FYN: variants seen among roughly 807,000 people sequenced by gnomAD.
FYN encodes the protein FYN proto-oncogene, Src family tyrosine kinase.
Under a neutral mutation model 70.2 loss-of-function variants are expected in FYN, and 10 were observed. That is an observed-to-expected ratio of 0.14 (90% CI 0.09 to 0.24). FYN has a LOEUF of 0.24. FYN is among the 10% of genes least tolerant of loss of function. The pLI is 1.00. For missense variants in FYN, 319 were observed against 673.1 expected (o/e 0.47, Z 5.82); for synonymous variants, 236 against 248.6 (o/e 0.95, Z 0.48).
intron 12 of FYN, among the ~76,000 whole-genome samples, chr6:111,686,238 C>T (rs1583305333): frequency 6.6e-6 from 1 of 152,090 alleles, no homozygotes; most frequent in African/African-American, 2.4e-5. Flanking sequence ...CTCCCAGAAA[C>T]GAGGTGGAAG....
At chr6:111,693,746 G>T (rs1799453295) in intron 12 of FYN, among the ~76,000 whole-genome samples, 1 of 152,106 alleles carries the variant, frequency 6.6e-6, no homozygotes, top group Non-Finnish European at 1.5e-5. Flanking sequence ...GACCCATAAG[G>T]ATTCATCGCT....
intron 2 of FYN, among the ~76,000 whole-genome samples, chr6:111,803,931 G>A (rs902018033): frequency 6.6e-6 from 1 of 152,128 alleles, no homozygotes; most frequent in Non-Finnish European, 1.5e-5. Flanking sequence ...GTTAGGAATG[G>A]AGCAAACCAC....
chr6:111,805,396 G>A (rs960870874), intron 2 of FYN, among the ~76,000 whole-genome samples: 5 of 152,114 alleles, frequency 3.3e-5, no homozygotes, highest in East Asian at 1.9e-4. Flanking sequence ...ATTATACATC[G>A]TTTATCTGAG....
chr6:111,849,088 G>A (rs12661662), intron 1 of FYN, among the ~76,000 whole-genome samples: 7,263 of 152,254 alleles, frequency 0.048, 292 homozygotes, highest in East Asian at 0.14. Context: ...GCATTCAATT[G>A]TGGGCTTTGG....
At chr6:111,689,598 C>CAG (rs1799212850) in intron 12 of FYN, among the ~76,000 whole-genome samples, 1 of 152,164 alleles carries the variant, frequency 6.6e-6, no homozygotes, top group Non-Finnish European at 1.5e-5. Context: ...GAATACTACT[C>CAG]AGCCATGAAA....
intron 2 of FYN, among the ~76,000 whole-genome samples, chr6:111,819,524 A>G (rs1772591211): frequency 6.6e-6 from 1 of 152,174 alleles, no homozygotes. Flanking sequence ...ACCTGTCTTT[A>G]AAACATAGTA....
chr6:111,700,572 G>C (rs756044721), intron 8 of FYN, among the ~76,000 whole-genome samples: 3 of 152,226 alleles, frequency 2.0e-5, no homozygotes, highest in Non-Finnish European at 4.4e-5. Flanking sequence ...GTACGATACA[G>C]TCTATACATA....
intron 12 of FYN, among the ~76,000 whole-genome samples, chr6:111,681,427 C>T (rs1429614975): frequency 2.0e-5 from 3 of 152,180 alleles, no homozygotes; most frequent in African/African-American, 7.2e-5. Context: ...TCCCAAAGTG[C>T]TGGGACTACA....
intron 2 of FYN, among the ~76,000 whole-genome samples, chr6:111,806,813 G>C (rs1772164762): frequency 6.6e-6 from 1 of 152,132 alleles, no homozygotes; most frequent in Non-Finnish European, 1.5e-5. Flanking sequence ...CCGAGACTAG[G>C]GTGGGAAATG....
intron 1 of FYN, among the ~76,000 whole-genome samples, chr6:111,854,261 A>C (rs914182462): frequency 6.6e-6 from 1 of 152,250 alleles, no homozygotes; most frequent in Non-Finnish European, 1.5e-5. Flanking sequence ...CTGAAAGATG[A>C]CCAATGACAA....
intron 2 of FYN, among the ~76,000 whole-genome samples, chr6:111,799,364 GT>G (rs1562525851): frequency 6.6e-6 from 1 of 152,128 alleles, no homozygotes; most frequent in Non-Finnish European, 1.5e-5. Context: ...AGAAGATGAG[GT>G]GGAAATAGAG....
intron 2 of FYN, among the ~76,000 whole-genome samples, chr6:111,803,525 TTC>T (rs778832640): frequency 5.9e-5 from 9 of 152,208 alleles, no homozygotes; most frequent in Admixed American, 1.3e-4. Flanking sequence ...TAGTTTCACA[TTC>T]TGTTTCATAT....
chr6:111,713,112 C>T (rs528447329), intron 5 of FYN, among the ~76,000 whole-genome samples: 3 of 152,240 alleles, frequency 2.0e-5, no homozygotes, highest in South Asian at 2.1e-4. Flanking sequence ...TCTGATGTCT[C>T]GAAGAGAGTC....
chr6:111,726,357 C>T (rs1460368017), intron 3 of FYN, among the ~76,000 whole-genome samples: 3 of 152,212 alleles, frequency 2.0e-5, no homozygotes, highest in Admixed American at 2.0e-4. Context: ...TGACCAATAT[C>T]CAATCAGTGT....
At chr6:111,747,545 T>C (rs115407864) in intron 3 of FYN, among the ~76,000 whole-genome samples, 1,723 of 152,312 alleles carry the variant, frequency 0.011, 25 homozygotes, top group African/African-American at 0.037. Context: ...TTGAAACACA[T>C]TATTTGGGTC....
At position 111,759,399 on chromosome 6, in the gene FYN, G is replaced by C. The variant is rs551071792; in HGVS notation, c.-12+21167C>G. 3.6e-3 allele frequency among the ~76,000 whole-genome samples: 555 copies of C among 152,204 alleles called. 1 individual carries two copies. Among genetic ancestry groups the C allele is most frequent in the African/African-American group, 0.013 (525 of 41,506 alleles). ...CTTTTTATGCTTGTCTCATCCTTAA[G>C]AGCAAAGAATGGCATTTTTCCTGCT... is the stretch of plus-strand genomic sequence containing the variant. On this transcript the variant is annotated intron_variant, in intron 3 of 13. Coordinates refer to ENST00000354650, the MANE Select transcript of FYN (RefSeq NM_002037.5).
intron 2 of FYN, among the ~76,000 whole-genome samples, chr6:111,785,131 C>T (rs1279861177): frequency 6.6e-6 from 1 of 152,192 alleles, no homozygotes; most frequent in African/African-American, 2.4e-5. Context: ...ATTGGTTCTC[C>T]ACAGGATGTT....
chr6:111,687,087 T>A (rs1799040240), intron 12 of FYN, among the ~76,000 whole-genome samples: 1 of 152,270 alleles, frequency 6.6e-6, no homozygotes, highest in African/African-American at 2.4e-5. Context: ...AGTACAGGCA[T>A]CTGGGATTTC....
intron 2 of FYN, among the ~76,000 whole-genome samples, chr6:111,782,880 G>T (rs1287552379): frequency 6.6e-6 from 1 of 152,214 alleles, no homozygotes. Flanking sequence ...TGAACCGGTG[G>T]TTCTGAGGCA....
Sources: gnomAD v4.1 joint callset for allele counts (sites outside exome capture counted in the v4.1 genomes callset) on GRCh38, gnomAD v4.1.1 for gene constraint, MANE v1.5 for transcripts, NCBI Gene and HGNC (gene_info 2026-07-23, HGNC 2026-07-21) for gene names.